CHST11: variants seen among roughly 807,000 people sequenced by gnomAD.
CHST11 encodes carbohydrate sulfotransferase 11, also known as C4S-1.
In CHST11, 9 loss-of-function variants were observed where a neutral mutation model predicts 30.4. That is an observed-to-expected ratio of 0.30 (90% confidence interval 0.18 to 0.52). The LOEUF (loss-of-function observed/expected upper bound fraction) is 0.52, where lower values mean the gene tolerates loss of function less well. Ranked by LOEUF, CHST11 falls within the 20% of genes least tolerant of loss-of-function variation. The pLI is 0.97. For missense variants in CHST11, 348 were observed against 460.6 expected, an observed-to-expected ratio of 0.76 and a Z score of 2.24; for synonymous variants, 152 against 187.8, an observed-to-expected ratio of 0.81 and a Z score of 1.56.
intron 2 of CHST11, among the ~76,000 whole-genome samples, chr12:104,703,560 C>A (rs1294250869): frequency 6.6e-6 from 1 of 152,196 alleles, no homozygotes; most frequent in Non-Finnish European, 1.5e-5. Context: ...CACCTCCTCT[C>A]CCACCTGAGA....
rs1446511669 is a variant in CHST11 at position 104,458,713 on chromosome 12, C to T, written c.118+1184C>T. On this transcript the variant is annotated intron_variant, in intron 1 of 2. Transcript: ENST00000303694. This position sits in a 1 kb window ranked among gnomAD's most constrained non-coding sequence, Gnocchi z 5.7. ...TTCTACGCCTCCGAGTTGCCTTTCT[C>T]AGCGTAGTCACAGCAATAATTTGCT... Among the ~76,000 whole-genome samples the T allele has an allele frequency of 6.6e-6, 1 of 152,272 alleles. No individual in the cohort carries two copies. The highest frequency in any genetic ancestry group is 1.9e-4 in the East Asian group (1 of 5,204).
chr12:104,718,923 G>A (rs2040152882), intron 2 of CHST11, among the ~76,000 whole-genome samples: 2 of 152,336 alleles, frequency 1.3e-5, no homozygotes, highest in South Asian at 4.1e-4. Flanking sequence ...CTGAAGGCTT[G>A]AACAGTAAAT....
intron 2 of CHST11, among the ~76,000 whole-genome samples, chr12:104,632,448 G>A (rs908635379): frequency 7.2e-5 from 11 of 152,192 alleles, no homozygotes; most frequent in African/African-American, 2.4e-4. Flanking sequence ...GGGATGAGGC[G>A]AAGTGCTAGA....
rs534536999 is a variant in CHST11 at position 104,515,508 on chromosome 12, C to T, written c.118+57979C>T. Reference sequence around the variant, plus strand: ...AGAAATCAAAGCTAGTTTGTTTTTTCATTCATTCATTCATTCATTCATTGT... The same window carrying T: ...AGAAATCAAAGCTAGTTTGTTTTTTTATTCATTCATTCATTCATTCATTGT... On this transcript the variant is annotated intron_variant, in intron 1 of 2. Transcript: ENST00000303694. 2.0e-5 allele frequency among the ~76,000 whole-genome samples: 3 copies of T among 150,446 alleles called. No homozygotes were observed. In the South Asian group the frequency reaches 6.2e-4, roughly 31 times the overall value.
At chr12:104,629,922 TACAGTTGGGCA>T (rs2039255591) in intron 2 of CHST11, among the ~76,000 whole-genome samples, 1 of 152,202 alleles carries the variant, frequency 6.6e-6, no homozygotes, top group African/African-American at 2.4e-5. Context: ...AACATTAGCC[TACAGTTGGGCA>T]ACATTATCTA....
intron 1 of CHST11, among the ~76,000 whole-genome samples, chr12:104,527,991 A>G (rs997579091): frequency 3.3e-5 from 5 of 152,246 alleles, no homozygotes; most frequent in Admixed American, 6.5e-5. Context: ...CCCATGATCC[A>G]GTCACCTCCC....
intron 1 of CHST11, among the ~76,000 whole-genome samples, chr12:104,572,175 C>CT (rs1565991662): frequency 2.6e-5 from 4 of 151,660 alleles, no homozygotes; most frequent in South Asian, 4.2e-4. Context: ...CTAAAATTCT[C>CT]TTTTTTTGTT....
At chr12:104,717,462 C>G (rs1288352190) in intron 2 of CHST11, among the ~76,000 whole-genome samples, 1 of 152,028 alleles carries the variant, frequency 6.6e-6, no homozygotes, top group Non-Finnish European at 1.5e-5. Flanking sequence ...TCATAAGTGC[C>G]AGCAAGACAA....
chr12:104,564,136 C>T (rs2038539008), intron 1 of CHST11, among the ~76,000 whole-genome samples: 4 of 152,132 alleles, frequency 2.6e-5, no homozygotes, highest in Admixed American at 2.6e-4. Context: ...AGGATGAGCA[C>T]CCCCCAGAGT....
intron 1 of CHST11, among the ~76,000 whole-genome samples, chr12:104,595,480 G>T (rs2038899423): frequency 6.6e-6 from 1 of 152,108 alleles, no homozygotes; most frequent in African/African-American, 2.4e-5. Context: ...TTAACCCATG[G>T]TTCTACAGGG....
At chr12:104,460,082 C>T (rs2037392808) in intron 1 of CHST11, among the ~76,000 whole-genome samples, 1 of 152,176 alleles carries the variant, frequency 6.6e-6, no homozygotes, top group Non-Finnish European at 1.5e-5. Context: ...TGTGGAATCT[C>T]TTTCACTGGT....
At chr12:104,478,042 T>C (rs2037580773) in intron 1 of CHST11, among the ~76,000 whole-genome samples, 1 of 152,120 alleles carries the variant, frequency 6.6e-6, no homozygotes, top group South Asian at 2.1e-4. Flanking sequence ...GAGCTGTGTG[T>C]TGATGGGGCT....
intron 2 of CHST11, among the ~76,000 whole-genome samples, chr12:104,623,187 T>A (rs1015453258): frequency 1.3e-5 from 2 of 152,076 alleles, no homozygotes; most frequent in Admixed American, 6.5e-5. Flanking sequence ...GAGCCAGAGG[T>A]CTTGAGTTCA....
chr12:104,571,296 C>T (rs922239250), intron 1 of CHST11, among the ~76,000 whole-genome samples: 17 of 152,008 alleles, frequency 1.1e-4, no homozygotes, highest in Middle Eastern at 6.8e-3. Flanking sequence ...CCCAAGTAGC[C>T]GGGATTACTG....
At chr12:104,602,471 A>T (rs1402537135) in intron 2 of CHST11, among the ~76,000 whole-genome samples, 1 of 152,188 alleles carries the variant, frequency 6.6e-6, no homozygotes, top group Non-Finnish European at 1.5e-5. Context: ...TGCCTCAGTA[A>T]ATCTAACTCG....
chr12:104,590,013 T>TTAATTAAATAAA (rs2038842469), intron 1 of CHST11, among the ~76,000 whole-genome samples: 1 of 151,140 alleles, frequency 6.6e-6, no homozygotes, highest in African/African-American at 2.4e-5. Flanking sequence ...TGTCTCAAAA[T>TTAATTAAATAAA]TAAATAAATA....
chr12:104,513,734 T>C (rs897572117), intron 1 of CHST11, among the ~76,000 whole-genome samples: 4 of 152,210 alleles, frequency 2.6e-5, no homozygotes, highest in South Asian at 2.1e-4. Context: ...ATTCCAATGC[T>C]CGATTCACTG....
At chr12:104,536,032 G>A (rs1222166474) in intron 1 of CHST11, among the ~76,000 whole-genome samples, 2 of 152,192 alleles carry the variant, frequency 1.3e-5, no homozygotes, top group Non-Finnish European at 2.9e-5. Flanking sequence ...TTAGAAATGA[G>A]GGTGAGACTG....
At chr12:104,714,673 A>G (rs867526165) in intron 2 of CHST11, among the ~76,000 whole-genome samples, 3 of 152,162 alleles carry the variant, frequency 2.0e-5, no homozygotes, top group Non-Finnish European at 4.4e-5. Flanking sequence ...CTTTCTTCAC[A>G]GTGAGCTTCG....
Sources: gnomAD v4.1 joint callset for allele counts (sites outside exome capture counted in the v4.1 genomes callset) on GRCh38, gnomAD v4.1.1 for gene constraint, Gnocchi (gnomAD v3.1) non-coding constraint, MANE v1.5 for transcripts, NCBI Gene and HGNC (gene_info 2026-07-23, HGNC 2026-07-21) for gene names.